EYA1: variants seen among roughly 807,000 people sequenced by gnomAD.
The protein encoded by EYA1 is EYA transcriptional coactivator and phosphatase 1.
EYA1 carries 16 observed loss-of-function variants against 82.0 expected under a neutral mutation model. That is an observed-to-expected ratio of 0.20 (90% CI 0.13 to 0.30). EYA1 has a LOEUF of 0.30. Ranked by LOEUF, EYA1 falls within the 10% of genes least tolerant of loss-of-function variation. EYA1 has a pLI of 1.00. For missense variants in EYA1, 633 were observed against 730.7 expected (o/e 0.87, Z 1.54); for synonymous variants, 261 against 264.4 (o/e 0.99, Z 0.12).
chr8:71,226,243 C>A (rs181498611), intron 12 of EYA1, among the ~76,000 whole-genome samples: 16 of 151,962 alleles, frequency 1.1e-4, no homozygotes, highest in African/African-American at 3.6e-4. Flanking sequence ...AATATTAATC[C>A]CTTTTAAAAT....
intron 11 of EYA1, among the ~76,000 whole-genome samples, chr8:71,269,239 G>A (rs1362851323): frequency 1.3e-5 from 2 of 152,098 alleles, no homozygotes; most frequent in East Asian, 1.9e-4. Flanking sequence ...GCCTTTCAGA[G>A]GATCAATCTT....
intron 11 of EYA1, among the ~76,000 whole-genome samples, chr8:71,257,953 T>C (rs1274843690): frequency 6.6e-6 from 1 of 152,190 alleles, no homozygotes; most frequent in Non-Finnish European, 1.5e-5. Flanking sequence ...TTACTGGCTA[T>C]TTCTTGCTAG....
chr8:71,316,933 G>A (rs911689778), intron 7 of EYA1, among the ~76,000 whole-genome samples: 5 of 152,206 alleles, frequency 3.3e-5, no homozygotes, highest in African/African-American at 1.2e-4. Flanking sequence ...AATGACAGCT[G>A]TCATTCCATT....
intron 1 of EYA1, among the ~76,000 whole-genome samples, chr8:71,545,561 T>TC (rs1415370057): frequency 1.5e-5 from 2 of 135,928 alleles, no homozygotes; most frequent in Non-Finnish European, 3.1e-5. Flanking sequence ...TTTGTTCCTT[T>TC]TTTTTTTTTT....
chr8:71,402,327 C>A (rs1212689703), intron 2 of EYA1, among the ~76,000 whole-genome samples: 10 of 152,040 alleles, frequency 6.6e-5, no homozygotes, highest in African/African-American at 2.4e-4. Flanking sequence ...GAAAACGGGG[C>A]ATGAGAGCTA....
chr8:71,256,382 G>C (rs1356702857), intron 11 of EYA1, among the ~76,000 whole-genome samples: 1 of 152,144 alleles, frequency 6.6e-6, no homozygotes, highest in Non-Finnish European at 1.5e-5. Context: ...CTTAAAAAGG[G>C]AGGAAATTCT....
rs750750225 is a variant in EYA1, at chr8:71,299,659, A to G, written c.618T>C (p.Ser206=). ...YTGNNSLTNS[S]GFNSSQQDYP... ...TTACCTGCTGTGAACTATTAAATCC[A>G]GAGGAATTTGTGAGTGAATTATTTC... Residue 206 remains serine (S), a synonymous_variant, in exon 8 of 18, where the codon TCT becomes TCC. Coordinates refer to ENST00000340726, the MANE Select transcript of EYA1 (RefSeq NM_000503.6). 1.9e-6 allele frequency: 3 copies of G among 1,590,790 alleles called. No individual in the cohort carries two copies. In the South Asian group the frequency reaches 3.3e-5, roughly 18 times the overall value.
intron 2 of EYA1, among the ~76,000 whole-genome samples, chr8:71,459,777 C>G (rs1808230713): frequency 6.6e-6 from 1 of 151,922 alleles, no homozygotes; most frequent in African/African-American, 2.4e-5. Context: ...TATTCCTGGA[C>G]TCAAATCCTC....
Position 71,326,259 on chromosome 8 carries a change from A to AG in EYA1, c.203-3992dup, listed in dbSNP as rs1325321577. On this transcript the variant is annotated intron_variant, in intron 4 of 17. Transcript: ENST00000340726. ...CAGGTCCTCAGCTCATTCCTCCCCC[A>AG]GGCTCCTTCATGTCAACACCATTCA... is the stretch of plus-strand genomic sequence containing the variant. 2.6e-5 allele frequency among the ~76,000 whole-genome samples: 4 copies of AG among 152,248 alleles called. No homozygotes were observed. In the South Asian group the frequency reaches 6.2e-4, roughly 24 times the overall value.
At chr8:71,256,338 T>G (rs559246362) in intron 11 of EYA1, among the ~76,000 whole-genome samples, 1 of 152,258 alleles carries the variant, frequency 6.6e-6, no homozygotes, top group Admixed American at 6.5e-5. Context: ...AAAAATAAAA[T>G]GTGGCATATA....
chr8:71,421,461 C>G (rs1831145097), intron 2 of EYA1, among the ~76,000 whole-genome samples: 2 of 152,138 alleles, frequency 1.3e-5, no homozygotes, highest in African/African-American at 4.8e-5. Flanking sequence ...TTCTAAGTGC[C>G]AGTCTAGGAA....
intron 17 of EYA1, among the ~76,000 whole-genome samples, chr8:71,201,155 T>G (rs988604986): frequency 6.6e-6 from 1 of 150,816 alleles, no homozygotes; most frequent in Non-Finnish European, 1.5e-5. Context: ...TTATGATTTA[T>G]TGGATATTGT....
At chr8:71,311,435 G>A (rs1317811565) in intron 7 of EYA1, among the ~76,000 whole-genome samples, 3 of 152,142 alleles carry the variant, frequency 2.0e-5, no homozygotes, top group African/African-American at 7.2e-5. Flanking sequence ...CCCTTTGATT[G>A]GTAAGCAGCA....
chr8:71,408,393 G>A (rs1185142000), intron 2 of EYA1, among the ~76,000 whole-genome samples: 1 of 137,212 alleles, frequency 7.3e-6, no homozygotes, highest in Non-Finnish European at 1.6e-5. Context: ...AAATGTAAAT[G>A]GACTAAATTC....
intron 7 of EYA1, among the ~76,000 whole-genome samples, chr8:71,312,171 A>T (rs1180738729): frequency 6.6e-6 from 1 of 152,248 alleles, no homozygotes; most frequent in African/African-American, 2.4e-5. Context: ...GACTAGTTAT[A>T]TAACTAAGTA....
In EYA1 at chr8:71,216,704, T is replaced by C; in HGVS notation, c.1348A>G (p.Asn450Asp). Residue 450 changes from asparagine to aspartate, a missense_variant, in exon 14 of 18, where the codon AAT (asparagine) becomes GAT (aspartate). Asn to Asp is a conservative substitution (Grantham distance 23). Coordinates refer to ENST00000340726, the MANE Select transcript of EYA1 (RefSeq NM_000503.6). ...RVKEIYNTYK[N>D]NVGGLLGPAK... ...GGTAATCACTTGCCTCCAACATTAT[T>C]TTTGTAGGTGTTGTAGATCTCTTTT... 1.2e-6 allele frequency: 2 copies of C among 1,614,136 alleles called. No individual in the cohort carries two copies. Among genetic ancestry groups the C allele is most frequent in the Non-Finnish European group, 1.7e-6 (2 of 1,179,994 alleles).
chr8:71,304,670 G>C (rs1820541421), intron 7 of EYA1, among the ~76,000 whole-genome samples: 1 of 142,640 alleles, frequency 7.0e-6, no homozygotes, highest in African/African-American at 2.5e-5. Context: ...TATGTAACTA[G>C]TATAACCTTT....
intron 2 of EYA1, among the ~76,000 whole-genome samples, chr8:71,477,477 C>T (rs1809751048): frequency 6.6e-6 from 1 of 151,680 alleles, no homozygotes. Flanking sequence ...TATCATTAGT[C>T]ACTAGGGAAA....
chr8:71,331,448 C>T lies in EYA1; in HGVS notation c.202+2649G>A, dbSNP rs148967357. On this transcript the variant is annotated intron_variant, in intron 4 of 17. Transcript: ENST00000340726. ...TCTCTTTGTAGCACATGATTTTTAA[C>T]TTGGACTTTAAAAGTATTACTTTTT... 7.2e-3 allele frequency among the ~76,000 whole-genome samples: 1,074 copies of T among 149,862 alleles called. 7 individuals are homozygous for T. The highest frequency in any genetic ancestry group is 0.015 in the South Asian group (71 of 4,752).
Sources: allele counts gnomAD v4.1 joint callset (sites outside exome capture counted in the v4.1 genomes callset), GRCh38; gene constraint gnomAD v4.1.1; transcripts MANE v1.5; gene names NCBI Gene and HGNC (gene_info 2026-07-23, HGNC 2026-07-21).